The following PCDH7 variants were observed in gnomAD, a reference collection of about 807,000 sequenced individuals.
PCDH7 encodes protocadherin-7.
PCDH7 carries 17 observed loss-of-function variants against 58.9 expected under a neutral mutation model. The observed-to-expected ratio is 0.29, with a 90% CI of 0.20 to 0.43. The LOEUF (loss-of-function observed/expected upper bound fraction) is 0.43, where lower values mean the gene tolerates loss of function less well. Ranked by LOEUF, PCDH7 falls within the 20% of genes least tolerant of loss-of-function variation. The probability of loss-of-function intolerance (pLI) is 1.00; values close to 1 mark genes in which losing one functional copy is unlikely to be tolerated. For missense variants in PCDH7, 1,274 were observed against 1,441.0 expected, an observed-to-expected ratio of 0.88 and a Z score of 1.88; for synonymous variants, 664 against 616.4, an observed-to-expected ratio of 1.08 and a Z score of -1.14.
downstream of PCDH7, among the ~76,000 whole-genome samples, chr4:30,736,559 G>A (rs1312290111): frequency 7.1e-6 from 1 of 141,370 alleles, no homozygotes; most frequent in African/African-American, 2.7e-5. Context: ...TTTTTGAGAC[G>A]GGGTCTCGCT....
At chr4:31,006,896 A>G (rs928965633) in intron 3 of PCDH7, among the ~76,000 whole-genome samples, 2 of 144,096 alleles carry the variant, frequency 1.4e-5, no homozygotes, top group South Asian at 2.3e-4. Context: ...TTGTCTCAAA[A>G]AAAAAAAAAA....
In PCDH7 at chr4:30,935,310, A is replaced by G. The variant is rs994003853; in HGVS notation, c.288-14810A>G. 1.3e-5 allele frequency: 13 copies of G among 974,906 alleles called. No individual in the cohort carries two copies. In the African/African-American group the frequency reaches 2.1e-4, roughly 16 times the overall value. 60.4% of individuals were successfully genotyped at this position (974,906 alleles called of 1,614,324 possible). A position where few individuals can be genotyped will look rare whatever the true frequency, so the allele number is the denominator to read the frequency against. On this transcript the variant is annotated intron_variant, in intron 2 of 3. Coordinates refer to the PCDH7 transcript ENST00000509759. ...AATGCATGATTATTTTCTTACCTCC[A>G]GAAATGTTTACTGGCCTCATATTTA...
At chr4:30,851,762 T>C (rs946632141) in intron 1 of PCDH7, among the ~76,000 whole-genome samples, 2 of 152,094 alleles carry the variant, frequency 1.3e-5, no homozygotes, top group Non-Finnish European at 2.9e-5. Flanking sequence ...CTTTAAGTAA[T>C]GGTTATCATT....
intron 3 of PCDH7, among the ~76,000 whole-genome samples, chr4:31,129,444 A>G (rs1186866897): frequency 6.6e-6 from 1 of 152,116 alleles, no homozygotes. Flanking sequence ...CAGAAATGAT[A>G]CCTACCTTAG....
intron 3 of PCDH7, among the ~76,000 whole-genome samples, chr4:31,080,420 T>C (rs1354182500): frequency 6.6e-6 from 1 of 152,206 alleles, no homozygotes; most frequent in Non-Finnish European, 1.5e-5. Flanking sequence ...ACAGCCATTG[T>C]ATTTGTACCT....
chr4:30,821,823 T>G (rs1437657492), intron 1 of PCDH7, among the ~76,000 whole-genome samples: 1 of 152,160 alleles, frequency 6.6e-6, no homozygotes, highest in East Asian at 1.9e-4. Context: ...CTGCATACAA[T>G]TTTATTGTTT....
intron 3 of PCDH7, among the ~76,000 whole-genome samples, chr4:30,995,874 C>A (rs1204486048): frequency 6.6e-6 from 1 of 152,060 alleles, no homozygotes; most frequent in Non-Finnish European, 1.5e-5. Flanking sequence ...GTGCAAGGAC[C>A]CTTTGATTAC....
intron 3 of PCDH7, among the ~76,000 whole-genome samples, chr4:31,043,656 A>T (rs1358241143): frequency 6.6e-6 from 1 of 151,988 alleles, no homozygotes; most frequent in African/African-American, 2.4e-5. Context: ...TTTCTTGTAA[A>T]TTTGTTTAAG....
In PCDH7 at chr4:30,721,923, C is replaced by T; in HGVS notation, c.501C>T (p.Ala167=). 6.4e-7 allele frequency: 1 copy of T among 1,572,730 alleles called. No individual in the cohort carries two copies. The highest frequency in any genetic ancestry group is 8.6e-7 in the Non-Finnish European group (1 of 1,163,806). The stretch of plus-strand genomic sequence containing the variant: ...GCACACTTTACCTGCTGCCCACAGC[C>T]ACCGACCGCGACTTCGGCCGCAACG... Residue 167 remains alanine, a synonymous_variant, in exon 1 of 2, where the codon GCC becomes GCT. Coordinates refer to ENST00000361762, the Ensembl canonical transcript of PCDH7. The surrounding 1 kb of genome is among the most constrained non-coding windows in gnomAD (Gnocchi z 6.7).
chr4:31,084,130 A>T (rs1711992775), intron 3 of PCDH7, among the ~76,000 whole-genome samples: 1 of 152,306 alleles, frequency 6.6e-6, no homozygotes, highest in South Asian at 2.1e-4. Context: ...TACCACTACT[A>T]TTTCAGATGT....
At chr4:31,036,768 A>T (rs1181346829) in intron 3 of PCDH7, among the ~76,000 whole-genome samples, 2 of 152,172 alleles carry the variant, frequency 1.3e-5, no homozygotes, top group African/African-American at 4.8e-5. Flanking sequence ...TCACGTAGCT[A>T]ATAAAGACAT....
At chr4:30,850,567 G>A (rs563588714) in intron 1 of PCDH7, among the ~76,000 whole-genome samples, 1 of 152,012 alleles carries the variant, frequency 6.6e-6, no homozygotes, top group South Asian at 2.1e-4. Context: ...GGTTGGTTTT[G>A]TTGCTGATAT....
At chr4:30,951,590 T>C (rs1747377693) in intron 3 of PCDH7, among the ~76,000 whole-genome samples, 1 of 152,214 alleles carries the variant, frequency 6.6e-6, no homozygotes, top group Non-Finnish European at 1.5e-5. Context: ...CATGGCTGTT[T>C]GGAAAATTCA....
chr4:30,894,514 TATAC>T lies in PCDH7; in HGVS notation c.71-25637_71-25634del, dbSNP rs1277919274. ...AAATATATATATATATATATATATA[TATAC>T]ACACACACACACACACACACACACA... On this transcript the variant is annotated intron_variant, in intron 1 of 3. Coordinates refer to the PCDH7 transcript ENST00000509759. 4.6e-3 allele frequency among the ~76,000 whole-genome samples: 222 copies of T among 48,016 alleles called. 1 individual carries two copies. The highest frequency in any genetic ancestry group is 5.7e-3 in the Non-Finnish European group (173 of 30,250). The allele number at this position is 48,016 out of a possible 152,430, so 31.5% of individuals were successfully genotyped here.
intron 1 of PCDH7, among the ~76,000 whole-genome samples, chr4:30,788,964 CAATATTGATCAT>C (rs1213927291): frequency 6.6e-6 from 1 of 152,088 alleles, no homozygotes; most frequent in Non-Finnish European, 1.5e-5. Flanking sequence ...TCTTAATAAT[CAATATTGATCAT>C]TCATATTAAG....
intron 3 of PCDH7, among the ~76,000 whole-genome samples, chr4:31,019,763 G>A (rs1753887392): frequency 6.6e-6 from 1 of 151,428 alleles, no homozygotes; most frequent in African/African-American, 2.4e-5. Flanking sequence ...ATTCATTAAA[G>A]ACACATATAC....
chr4:30,782,252 A>G (rs914562300), intron 1 of PCDH7, among the ~76,000 whole-genome samples: 4 of 152,196 alleles, frequency 2.6e-5, no homozygotes, highest in Non-Finnish European at 4.4e-5. Context: ...GATATCTACA[A>G]TGATAACTTT....
chr4:31,128,524 A>G (rs1388852019), intron 3 of PCDH7, among the ~76,000 whole-genome samples: 1 of 152,206 alleles, frequency 6.6e-6, no homozygotes, highest in Non-Finnish European at 1.5e-5. Context: ...TGAGCTGTGC[A>G]TGAGACAATA....
At chr4:31,114,799 A>G (rs1578835994) in intron 3 of PCDH7, among the ~76,000 whole-genome samples, 1 of 152,102 alleles carries the variant, frequency 6.6e-6, no homozygotes, top group East Asian at 1.9e-4. Context: ...ATTTAATCAG[A>G]CTCCTTAAAT....
Sources: gnomAD v4.1 joint callset for allele counts (sites outside exome capture counted in the v4.1 genomes callset) on GRCh38, gnomAD v4.1.1 for gene constraint, Gnocchi (gnomAD v3.1) non-coding constraint, MANE v1.5 for transcripts, NCBI Gene and HGNC (gene_info 2026-07-23, HGNC 2026-07-21) for gene names.